Variants in TMEM45B observed in about 807,000 individuals in gnomAD.
The protein encoded by TMEM45B is transmembrane protein 45B.
In TMEM45B, 29 loss-of-function variants were observed where a neutral mutation model predicts 27.3. The observed-to-expected ratio is 1.06, with a 90% CI of 0.79 to 1.45. TMEM45B has a LOEUF of 1.45. TMEM45B is among the 40% of genes most tolerant of loss of function. The pLI is 0.00. For synonymous variants in TMEM45B, 143 were observed against 134.7 expected, an observed-to-expected ratio of 1.06 and a Z score of -0.43; for missense variants, 348 against 343.9, an observed-to-expected ratio of 1.01 and a Z score of -0.09.
Position 129,824,100 on chromosome 11 carries a change from A to G in TMEM45B, c.-9+8202A>G, listed in dbSNP as rs577819047. Among the ~76,000 whole-genome samples the G allele has an allele frequency of 8.5e-5, 13 of 152,338 alleles. 1 individual carries two copies. Among genetic ancestry groups the G allele is most frequent in the Middle Eastern group, 6.8e-3 (2 of 294 alleles). On this transcript the variant is annotated intron_variant, in intron 1 of 5. Coordinates refer to ENST00000281441, the MANE Select transcript of TMEM45B (RefSeq NM_138788.5). ...TTTTCAAACCTAACTCAGACCCACA[A>G]TGAAAGTCCCTCTCTTCTGGCCATT... is the stretch of plus-strand genomic sequence containing the variant.
intron 1 of TMEM45B, among the ~76,000 whole-genome samples, chr11:129,831,458 G>C (rs984828162): frequency 3.3e-5 from 5 of 152,222 alleles, no homozygotes; most frequent in Non-Finnish European, 5.9e-5. Flanking sequence ...TTCATATCCA[G>C]GGTGGGATGG....
At chr11:129,829,289 A>G (rs576456122) in intron 1 of TMEM45B, among the ~76,000 whole-genome samples, 32 of 152,230 alleles carry the variant, frequency 2.1e-4, no homozygotes, top group Non-Finnish European at 3.2e-4. Flanking sequence ...TACTAAAACT[A>G]AGATAACAGT....
At chr11:129,839,054 T>C (rs1947658777) in intron 1 of TMEM45B, among the ~76,000 whole-genome samples, 1 of 152,226 alleles carries the variant, frequency 6.6e-6, no homozygotes, top group African/African-American at 2.4e-5. Context: ...CCCTTACTCT[T>C]GCCTCCATTT....
In TMEM45B at chr11:129,858,674, G is replaced by C. The variant is rs770466111; in HGVS notation, c.817G>C (p.Asp273His). 2 of 1,560,168 alleles carry C rather than the reference G, an allele frequency of 1.3e-6. No individual in the cohort carries two copies. The highest frequency in any genetic ancestry group is 2.4e-5 in the South Asian group (2 of 84,742). Residue 273 changes from aspartate (D) to histidine (H), a missense_variant, in exon 6 of 6, where the codon GAT becomes CAT. Asp to His is a moderately conservative substitution (Grantham distance 81). Transcript: ENST00000281441. ...TYQTALLSGS[D>H]EE ...CCAGACCGCCCTCTTGAGTGGCTCA[G>C]ATGAGGAATGAGCCGAGATGCGGAG...
At chr11:129,837,585 C>CTTTTTTTTTTTTTTTTTTGTTTTT (rs200040338) in intron 1 of TMEM45B, among the ~76,000 whole-genome samples, 1 of 80,294 alleles carries the variant, frequency 1.2e-5, no homozygotes, top group Middle Eastern at 6.8e-3. Context: ...CTGCACTGGG[C>CTTTTTTTTTTTTTTTTTTGTTTTT]TTTTTTTTTT....
chr11:129,847,088 G>C (rs1208869068), intron 1 of TMEM45B, among the ~76,000 whole-genome samples: 3 of 152,338 alleles, frequency 2.0e-5, no homozygotes, highest in Non-Finnish European at 4.4e-5. Context: ...AAATAGCAGG[G>C]TGGGGAAGAG....
intron 1 of TMEM45B, among the ~76,000 whole-genome samples, chr11:129,817,280 T>C (rs761512034): frequency 6.6e-6 from 1 of 152,160 alleles, no homozygotes; most frequent in Non-Finnish European, 1.5e-5. Flanking sequence ...CTGGATGTTG[T>C]GCAGTGGGAA....
chr11:129,856,009 T>C (rs913438674), intron 4 of TMEM45B, 117 bp downstream of exon 4: 4 of 1,228,434 alleles, frequency 3.3e-6, no homozygotes, highest in Non-Finnish European at 4.6e-6. Context: ...TAACATGCCA[T>C]GCAAAGGGGT....
At chr11:129,850,706 T>G (rs909359662) in intron 1 of TMEM45B, 3 of 152,212 alleles carry the variant, frequency 2.0e-5, no homozygotes, top group African/African-American at 7.2e-5. Flanking sequence ...GCCTTCACCA[T>G]CGGTATCTCT....
chr11:129,847,340 C>A (rs10894155), intron 1 of TMEM45B, among the ~76,000 whole-genome samples: 38,494 of 151,996 alleles, frequency 0.25, 5,378 homozygotes, highest in East Asian at 0.47. Flanking sequence ...TTGCTTTTCA[C>A]TATAAGTCTT....
chr11:129,858,772 G>C lies in TMEM45B; in HGVS notation c.*87G>C, dbSNP rs989744732. On this transcript the variant is annotated 3_prime_UTR_variant, in exon 6 of 6. Transcript: ENST00000281441. ...TCCACCTGAATGCCTGCTGTGGTCT[G>C]ATCTTAAGGGTCTATATATTTGCAC... 45 of 956,676 alleles carry C rather than the reference G, an allele frequency of 4.7e-5. No homozygotes were observed. The African/African-American group carries it at 6.6e-4, about 14-fold the overall frequency. 59.3% of individuals were successfully genotyped at this position (956,676 alleles called of 1,614,324 possible). A position where few individuals can be genotyped will look rare whatever the true frequency, so the allele number is the denominator to read the frequency against.
intron 1 of TMEM45B, among the ~76,000 whole-genome samples, chr11:129,832,402 C>T (rs1947560637): frequency 6.6e-6 from 1 of 152,146 alleles, no homozygotes; most frequent in Non-Finnish European, 1.5e-5. Context: ...AGTGCTGATA[C>T]ATGCTATACC....
chr11:129,829,477 T>C (rs1947523603), intron 1 of TMEM45B, among the ~76,000 whole-genome samples: 1 of 152,232 alleles, frequency 6.6e-6, no homozygotes, highest in Non-Finnish European at 1.5e-5. Context: ...ATTCTATCCA[T>C]GCAAGAGAAT....
chr11:129,837,906 C>T (rs1202152472), intron 1 of TMEM45B, among the ~76,000 whole-genome samples: 3 of 150,398 alleles, frequency 2.0e-5, no homozygotes, highest in Non-Finnish European at 4.4e-5. Flanking sequence ...CTCAGCCTCC[C>T]GATTAGCTGG....
intron 1 of TMEM45B, among the ~76,000 whole-genome samples, chr11:129,849,590 G>A (rs941850308): frequency 1.3e-5 from 2 of 152,170 alleles, no homozygotes; most frequent in Admixed American, 6.5e-5. Context: ...GGAGGCGGCC[G>A]TGCTCCCACA....
intron 1 of TMEM45B, among the ~76,000 whole-genome samples, chr11:129,822,816 T>C (rs1025966190): frequency 4.6e-5 from 7 of 151,794 alleles, no homozygotes; most frequent in Admixed American, 4.6e-4. Context: ...TTGCAAAATA[T>C]GGATTATATT....
chr11:129,839,437 C>T (rs1947663506), intron 1 of TMEM45B, among the ~76,000 whole-genome samples: 1 of 152,124 alleles, frequency 6.6e-6, no homozygotes, highest in South Asian at 2.1e-4. Context: ...ATTCAATCCT[C>T]CCCTCACACT....
At chr11:129,848,491 A>G (rs552737094) in intron 1 of TMEM45B, among the ~76,000 whole-genome samples, 128 of 151,210 alleles carry the variant, frequency 8.5e-4, no homozygotes, top group Middle Eastern at 3.4e-3. Context: ...TCGGCATGAA[A>G]GGGAGACCGT....
At chr11:129,854,494 G>C in intron 2 of TMEM45B, 116 bp from the exon 3 acceptor site, 1 of 1,001,532 alleles carries the variant, frequency 1.0e-6, no homozygotes, top group Non-Finnish European at 1.5e-6. Flanking sequence ...GCTGACCCGC[G>C]GGCCACCCTC....
Sources: allele counts gnomAD v4.1 joint callset (sites outside exome capture counted in the v4.1 genomes callset), GRCh38; gene constraint gnomAD v4.1.1; transcripts MANE v1.5; gene names NCBI Gene and HGNC (gene_info 2026-07-23, HGNC 2026-07-21).